The following GRK1 variants were observed in gnomAD, a reference collection of about 807,000 sequenced individuals.
GRK1 encodes G protein-coupled receptor kinase 1.
Under a neutral mutation model 41.7 loss-of-function variants are expected in GRK1, and 28 were observed. That is an observed-to-expected ratio of 0.67 (90% CI 0.50 to 0.92). GRK1 has a LOEUF of 0.92. GRK1 is among the 40% of genes least tolerant of loss of function. The pLI is 0.00. For synonymous variants in GRK1, 327 were observed against 286.7 expected (o/e 1.14, Z -1.42); for missense variants, 703 against 671.2 (o/e 1.05, Z -0.52).
chr13:113,664,717 C>T (rs2049807075), upstream of GRK1, among the ~76,000 whole-genome samples: 1 of 152,210 alleles, frequency 6.6e-6, no homozygotes, highest in Non-Finnish European at 1.5e-5. This position sits in a 1 kb window ranked among gnomAD's most constrained non-coding sequence, Gnocchi z 5.4. Flanking sequence ...TCTTGGCCCA[C>T]CTGGCCACTG....
chr13:113,723,185 C>T (rs1051983464), intron 4 of GRK1, 28 bp downstream of exon 4: 1 of 694,610 alleles, frequency 1.4e-6, no homozygotes, highest in Non-Finnish European at 2.6e-6. Flanking sequence ...GCTGGGGAGG[C>T]TCCGTGCATG....
the GRK1 span, among the ~76,000 whole-genome samples, chr13:113,657,835 C>G: frequency 6.6e-6 from 1 of 152,252 alleles, no homozygotes; most frequent in African/African-American, 2.4e-5. Context: ...GTCAACTCAG[C>G]CTTCAGGATG....
the GRK1 span, among the ~76,000 whole-genome samples, chr13:113,648,539 G>T: frequency 6.6e-6 from 1 of 152,372 alleles, no homozygotes; most frequent in South Asian, 2.1e-4. Context: ...GCAAGAGCAG[G>T]TTTGCTTGTT....
chr13:113,728,349 G>T (rs1281672302), intron 4 of GRK1, among the ~76,000 whole-genome samples: 1 of 131,486 alleles, frequency 7.6e-6, no homozygotes, highest in East Asian at 2.2e-4. Context: ...GTGATGAGGA[G>T]TACCCATGGC....
chr13:113,652,802 G>A, the GRK1 span: 29 of 1,540,236 alleles, frequency 1.9e-5, no homozygotes, highest in Admixed American at 3.6e-5. Flanking sequence ...TGTGCTCCTC[G>A]TGGTGGGTGT....
At chr13:113,733,150 G>A (rs549445195) in intron 6 of GRK1, 65 bp downstream of exon 6, 11 of 1,448,134 alleles carry the variant, frequency 7.6e-6, no homozygotes, top group East Asian at 7.5e-5. Context: ...TTGGGTGTCC[G>A]CCCGGTCCAG....
chr13:113,733,773 GCA>G (rs1288863346), intron 6 of GRK1, among the ~76,000 whole-genome samples: 1 of 142,826 alleles, frequency 7.0e-6, no homozygotes, highest in Non-Finnish European at 1.5e-5. Context: ...GTATGTGTGT[GCA>G]TACGTGTGTG....
Position 113,731,132 on chromosome 13 carries a change from C to T in GRK1, c.1070-87C>T. The T allele has an allele frequency of 6.8e-7, 1 of 1,479,698 alleles. No homozygotes were observed. The highest frequency in any genetic ancestry group is 9.0e-7 in the Non-Finnish European group (1 of 1,111,300). The allele number at this position is 1,479,698 out of a possible 1,614,324, so 91.7% of individuals were successfully genotyped here. A position where few individuals can be genotyped will look rare whatever the true frequency, so the allele number is the denominator to read the frequency against. The stretch of plus-strand genomic sequence containing the variant: ...TGCTGAGGCCCCGGGGGGGATGCAT[C>T]CCCAGAGCATCAGTCCTGCGATTCC... On this transcript the variant is annotated intron_variant, in intron 4 of 6. Transcript: ENST00000335678. This position sits in a 1 kb window ranked among gnomAD's most constrained non-coding sequence, Gnocchi z 5.6.
Position 113,735,410 on chromosome 13 carries a change from A to T in GRK1, c.*47A>T. 3 of 1,431,388 alleles carry T rather than the reference A, an allele frequency of 2.1e-6. No homozygotes were observed. In the South Asian group the frequency reaches 4.5e-5, roughly 21 times the overall value. 88.7% of individuals were successfully genotyped at this position (1,431,388 alleles called of 1,614,324 possible). A position where few individuals can be genotyped will look rare whatever the true frequency, so the allele number is the denominator to read the frequency against. On this transcript the variant is annotated 3_prime_UTR_variant, in exon 7 of 7. Transcript: ENST00000335678. The stretch of plus-strand genomic sequence containing the variant: ...GGAGGAAAAGGACCCATACGGCTCG[A>T]TGGGGGCCGCCTGCCTCCGTGGTGC...
upstream of GRK1, among the ~76,000 whole-genome samples, chr13:113,662,792 T>C (rs991183704): frequency 1.3e-5 from 2 of 152,150 alleles, no homozygotes; most frequent in Non-Finnish European, 2.9e-5. Flanking sequence ...TGAAAGAAAT[T>C]AGAGTTTGAA....
intron 1 of GRK1, 85 bp downstream of exon 1, chr13:113,668,170 G>A (rs2049832894): frequency 2.9e-6 from 4 of 1,391,442 alleles, no homozygotes; most frequent in Non-Finnish European, 1.9e-6. Context: ...CCAGGTCACT[G>A]TCGGCTCCGG....
rs1223288504 is a variant in GRK1, at chr13:113,733,769, G to GCATACGTC, written c.1396+684_1396+685insCATACGTC. Reference sequence around the variant, plus strand: ...CATACATGTGTGTGCGTGTGTATGTGTGTGCATACGTGTGTGCATGTGTGT... The same window carrying GCATACGTC: ...CATACATGTGTGTGCGTGTGTATGTGCATACGTCTGTGCATACGTGTGTGCATGTGTGT... On this transcript the variant is annotated intron_variant, in intron 6 of 6. Coordinates refer to ENST00000335678, the MANE Select transcript of GRK1 (RefSeq NM_002929.3). Among the ~76,000 whole-genome samples, 244 of 142,256 alleles carry GCATACGTC rather than the reference G, an allele frequency of 1.7e-3. 5 individuals are homozygous for GCATACGTC. Among genetic ancestry groups the GCATACGTC allele is most frequent in the African/African-American group, 6.2e-3 (227 of 36,726 alleles). 93.3% of individuals were successfully genotyped at this position (142,256 alleles called of 152,430 possible). A position where few individuals can be genotyped will look rare whatever the true frequency, so the allele number is the denominator to read the frequency against.
Position 113,735,269 on chromosome 13 carries a change from T to C in GRK1, c.1598T>C (p.Val533Ala), listed in dbSNP as rs2049994907. The change falls in exon 7 of 7, where the codon GTG (valine) becomes GCG (alanine). Residue 533 changes from valine (V) to alanine (A), a missense_variant. Transcript: ENST00000335678. ...IETGIFGELN[V>A]WRSDGQMPDD... ...ACGGGCATCTTTGGCGAGCTGAACGTGTGGCGCTCGGACGGTCAGATGCCG... is the reference window on the plus strand; with the variant it reads ...ACGGGCATCTTTGGCGAGCTGAACGCGTGGCGCTCGGACGGTCAGATGCCG... 6.5e-7 allele frequency: 1 copy of C among 1,536,690 alleles called. No homozygotes were observed. The highest frequency in any genetic ancestry group is 1.2e-5 in the South Asian group (1 of 84,056).
chr13:113,662,855 A>T (rs2049797565), upstream of GRK1, among the ~76,000 whole-genome samples: 1 of 152,240 alleles, frequency 6.6e-6, no homozygotes, highest in South Asian at 2.1e-4. Context: ...CATAACAAAG[A>T]GATCAATCTC....
upstream of GRK1, among the ~76,000 whole-genome samples, chr13:113,666,446 T>C (rs2049819806): frequency 6.6e-6 from 1 of 151,036 alleles, no homozygotes; most frequent in African/African-American, 2.4e-5. Flanking sequence ...CCCAGGTGTG[T>C]CCCAGGTGTT....
chr13:113,649,879 T>G, the GRK1 span, among the ~76,000 whole-genome samples: 17 of 152,250 alleles, frequency 1.1e-4, no homozygotes, highest in African/African-American at 3.4e-4. The surrounding 1 kb of genome is among the most constrained non-coding windows in gnomAD (Gnocchi z 4.7). Context: ...GTAGAAAAAT[T>G]AGGCTGGGCG....
intron 6 of GRK1, among the ~76,000 whole-genome samples, chr13:113,733,861 ACGTGTGTG>A (rs1378140969): frequency 2.0e-5 from 2 of 98,254 alleles, no homozygotes; most frequent in East Asian, 3.2e-4. Context: ...ATGTGTGCAT[ACGTGTGTG>A]CGTGTGTGCA....
intron 4 of GRK1, among the ~76,000 whole-genome samples, chr13:113,729,044 G>C (rs2049914497): frequency 6.6e-6 from 1 of 152,190 alleles, no homozygotes; most frequent in South Asian, 2.1e-4. Context: ...GAGGTGCTTG[G>C]CTGCCTCAGA....
chr13:113,658,152 G>A, the GRK1 span: 3 of 1,609,830 alleles, frequency 1.9e-6, no homozygotes, highest in Non-Finnish European at 2.5e-6. Flanking sequence ...CATCGTCCCT[G>A]GCCTGAGATC....
Sources: gnomAD v4.1 joint callset for allele counts (sites outside exome capture counted in the v4.1 genomes callset) on GRCh38, gnomAD v4.1.1 for gene constraint, Gnocchi (gnomAD v3.1) non-coding constraint, MANE v1.5 for transcripts, NCBI Gene and HGNC (gene_info 2026-07-23, HGNC 2026-07-21) for gene names.